The following CHL1 variants were observed in gnomAD, a reference collection of about 807,000 sequenced individuals.
The protein encoded by CHL1 is cell adhesion molecule L1 like, also known as neural cell adhesion molecule L1-like protein.
CHL1 carries 96 observed loss-of-function variants against 141.9 expected under a neutral mutation model. That is an observed-to-expected ratio of 0.68 (90% confidence interval 0.57 to 0.80). The LOEUF is 0.80. CHL1 is among the 30% of genes least tolerant of loss of function. The probability of loss-of-function intolerance (pLI) is 0.00; values close to 1 mark genes in which losing one functional copy is unlikely to be tolerated. For missense variants in CHL1, 1,820 were observed against 1,457.2 expected (o/e 1.25, Z -4.05); for synonymous variants, 613 against 502.2 (o/e 1.22, Z -2.95).
At chr3:379,709 C>T (rs900936985) in intron 16 of CHL1, among the ~76,000 whole-genome samples, 12 of 151,890 alleles carry the variant, frequency 7.9e-5, no homozygotes, top group Admixed American at 3.3e-4. Context: ...ATTTTACCTA[C>T]GATTATATGT....
intron 2 of CHL1, among the ~76,000 whole-genome samples, chr3:289,697 A>G (rs1429822534): frequency 6.6e-6 from 1 of 151,962 alleles, no homozygotes; most frequent in East Asian, 1.9e-4. Context: ...TCATTAATAC[A>G]TTTATTTAAT....
At chr3:246,297 G>T (rs922217268) in intron 2 of CHL1, among the ~76,000 whole-genome samples, 1 of 151,988 alleles carries the variant, frequency 6.6e-6, no homozygotes, top group African/African-American at 2.4e-5. Context: ...TATGAAAATG[G>T]ATGGTAACCC....
chr3:349,286 T>C (rs1286728458), intron 9 of CHL1, 73 bp from the exon 10 acceptor site: 3 of 1,273,698 alleles, frequency 2.4e-6, no homozygotes, highest in Non-Finnish European at 3.3e-6. Flanking sequence ...ATAAAGGATG[T>C]GTCCTAAGGT....
chr3:236,136 C>T (rs981360028), intron 1 of CHL1, among the ~76,000 whole-genome samples: 11 of 152,120 alleles, frequency 7.2e-5, no homozygotes, highest in African/African-American at 1.9e-4. Flanking sequence ...GGCCCTGCTC[C>T]GCCTGCTTGA....
intron 1 of CHL1, among the ~76,000 whole-genome samples, chr3:226,590 C>T (rs1701376632): frequency 6.6e-6 from 1 of 151,564 alleles, no homozygotes; most frequent in African/African-American, 2.4e-5. Context: ...GCTGGGATTA[C>T]AAGCGCACAC....
intron 19 of CHL1, among the ~76,000 whole-genome samples, chr3:386,960 C>T (rs960990713): frequency 1.3e-5 from 2 of 149,706 alleles, no homozygotes; most frequent in African/African-American, 4.8e-5. Context: ...AATTTAGCCA[C>T]TCCACAATGT....
chr3:201,440 C>A (rs947827295), intron 1 of CHL1, among the ~76,000 whole-genome samples: 2 of 152,152 alleles, frequency 1.3e-5, no homozygotes, highest in African/African-American at 2.4e-5. Context: ...TAATTTATTC[C>A]TAGTGAAGAA....
intron 2 of CHL1, among the ~76,000 whole-genome samples, chr3:318,201 A>G (rs1251115301): frequency 2.0e-5 from 3 of 151,916 alleles, no homozygotes; most frequent in African/African-American, 7.2e-5. Flanking sequence ...AACAACAGCC[A>G]TTAGTTACTA....
At chr3:325,166 A>C (rs1049412476) in intron 3 of CHL1, among the ~76,000 whole-genome samples, 4 of 149,068 alleles carry the variant, frequency 2.7e-5, no homozygotes, top group African/African-American at 9.7e-5. Context: ...TATTACCCAA[A>C]AAAAAAAAGA....
chr3:396,581 A>G (rs969844942), intron 24 of CHL1, among the ~76,000 whole-genome samples: 2 of 152,156 alleles, frequency 1.3e-5, no homozygotes, highest in Admixed American at 6.6e-5. Flanking sequence ...GTGATTTTAC[A>G]GGTGATGTGG....
In CHL1 at chr3:390,936, A is replaced by G; in HGVS notation, c.2587-19A>G. 2 of 1,606,390 alleles carry G rather than the reference A, an allele frequency of 1.2e-6. No homozygotes were observed. Among genetic ancestry groups the G allele is most frequent in the Non-Finnish European group, 1.7e-6 (2 of 1,173,404 alleles). On this transcript the variant is annotated intron_variant, in intron 21 of 27. Transcript: ENST00000256509. ...GCGACCACAATGGATATACTAAAAGATTTTGGTTTTCATTGCAGATAAATT... is the reference window on the plus strand; with the variant it reads ...GCGACCACAATGGATATACTAAAAGGTTTTGGTTTTCATTGCAGATAAATT...
chr3:393,919 C>G (rs1412074172), intron 23 of CHL1, among the ~76,000 whole-genome samples: 2 of 152,126 alleles, frequency 1.3e-5, no homozygotes, highest in African/African-American at 4.8e-5. Flanking sequence ...TTTTTAACCT[C>G]TATGGTATCT....
chr3:305,685 TATATA>T (rs1162260274), intron 2 of CHL1, among the ~76,000 whole-genome samples: 3 of 151,070 alleles, frequency 2.0e-5, no homozygotes, highest in Non-Finnish European at 4.4e-5. Context: ...CTATACATTA[TATATA>T]ATATAAATGT....
intron 2 of CHL1, among the ~76,000 whole-genome samples, chr3:312,902 C>T (rs1337574786): frequency 1.3e-5 from 2 of 152,146 alleles, no homozygotes; most frequent in African/African-American, 2.4e-5. Context: ...AATATCTCTT[C>T]CTGCTGGCTA....
intron 2 of CHL1, among the ~76,000 whole-genome samples, chr3:311,235 CAA>C (rs1025536011): frequency 3.4e-4 from 52 of 152,162 alleles, no homozygotes; most frequent in Admixed American, 3.9e-4. Context: ...GGGTAAAAAC[CAA>C]AGAGTTCAAT....
intron 2 of CHL1, among the ~76,000 whole-genome samples, chr3:293,473 C>T (rs960366749): frequency 6.6e-6 from 1 of 151,990 alleles, no homozygotes; most frequent in Non-Finnish European, 1.5e-5. Flanking sequence ...CCACTGCACT[C>T]CAGCCTGGGC....
At chr3:214,368 T>C (rs1196524618) in intron 1 of CHL1, among the ~76,000 whole-genome samples, 2 of 152,214 alleles carry the variant, frequency 1.3e-5, no homozygotes, top group Admixed American at 6.5e-5. Context: ...AAAGTAATAA[T>C]GACTTCAAAT....
chr3:244,504 A>G (rs1692972977), intron 1 of CHL1, 109 bp from the exon 2 acceptor site: 2 of 151,718 alleles, frequency 1.3e-5, no homozygotes, highest in African/African-American at 4.9e-5. Context: ...GGGTGTGGGG[A>G]GAAAGAAAAA....
intron 4 of CHL1, among the ~76,000 whole-genome samples, chr3:327,673 C>T (rs1701120619): frequency 2.0e-5 from 3 of 151,758 alleles, no homozygotes; most frequent in Admixed American, 2.0e-4. Context: ...TCTTTAGTAT[C>T]ATTATAATAA....
Sources: gnomAD v4.1 joint callset for allele counts (sites outside exome capture counted in the v4.1 genomes callset) on GRCh38, gnomAD v4.1.1 for gene constraint, MANE v1.5 for transcripts, NCBI Gene and HGNC (gene_info 2026-07-23, HGNC 2026-07-21) for gene names.